Variants in GATA4 observed in about 807,000 individuals in gnomAD.
The protein encoded by GATA4 is transcription factor GATA-4.
Under a neutral mutation model 37.9 loss-of-function variants are expected in GATA4, and 7 were observed. The observed-to-expected ratio is 0.18, with a 90% CI of 0.11 to 0.35. The LOEUF is 0.35. Ranked by LOEUF, GATA4 falls within the 10% of genes least tolerant of loss-of-function variation. The probability of loss-of-function intolerance (pLI) is 1.00; values close to 1 mark genes in which losing one functional copy is unlikely to be tolerated. For synonymous variants in GATA4, 372 were observed against 292.6 expected, an observed-to-expected ratio of 1.27 and a Z score of -2.77; for missense variants, 647 against 653.0, an observed-to-expected ratio of 0.99 and a Z score of 0.10.
intron 1 of GATA4, among the ~76,000 whole-genome samples, chr8:11,684,354 G>T (rs1799071608): frequency 6.6e-6 from 1 of 152,192 alleles, no homozygotes; most frequent in African/African-American, 2.4e-5. Context: ...TCTATTTCTA[G>T]CATAGTCTAA....
intron 2 of GATA4, among the ~76,000 whole-genome samples, chr8:11,722,433 C>G (rs1800719180): frequency 6.6e-6 from 1 of 152,204 alleles, no homozygotes; most frequent in Non-Finnish European, 1.5e-5. Context: ...TCTTTAATAT[C>G]ATTCAATATC....
Position 11,748,643 on chromosome 8 carries a change from C to G in GATA4, c.617-273C>G, listed in dbSNP as rs2409814. Among the ~76,000 whole-genome samples the G allele has an allele frequency of 0.62, 93,663 of 151,990 alleles. 29,700 individuals are homozygous for G. Among genetic ancestry groups the G allele is most frequent in the East Asian group, 0.98 (5,065 of 5,158 alleles). Reference sequence around the variant, plus strand: ...CTGGAGGCTCTGAATGTGATACCTGCACTGAAATCCAGGTGTCCCGCCTCC... The same window carrying G: ...CTGGAGGCTCTGAATGTGATACCTGGACTGAAATCCAGGTGTCCCGCCTCC... On this transcript the variant is annotated intron_variant, in intron 2 of 6. Coordinates refer to ENST00000532059, the MANE Select transcript of GATA4 (RefSeq NM_001308093.3).
chr8:11,728,820 C>T (rs1169028962), intron 2 of GATA4, among the ~76,000 whole-genome samples: 2 of 152,304 alleles, frequency 1.3e-5, no homozygotes, highest in African/African-American at 2.4e-5. Context: ...TATTAATCTA[C>T]ATTTAGGTCA....
chr8:11,693,544 CACACACACACACACACACAG>C (rs1490156389), intron 1 of GATA4, among the ~76,000 whole-genome samples: 41 of 113,828 alleles, frequency 3.6e-4, no homozygotes, highest in Non-Finnish European at 7.1e-4. Flanking sequence ...CACACACACA[CACACACACACACACACACAG>C]AGAGAGAGAG....
chr8:11,692,660 G>T (rs942179395), exon 1 of GATA4: 1 of 985,232 alleles, frequency 1.0e-6, no homozygotes, highest in Non-Finnish European at 1.2e-6. Flanking sequence ...CTCCACCGCG[G>T]GTGCGTGCGG....
At chr8:11,729,594 C>G (rs371101188) in intron 2 of GATA4, among the ~76,000 whole-genome samples, 1 of 151,478 alleles carries the variant, frequency 6.6e-6, no homozygotes, top group African/African-American at 2.4e-5. Context: ...AGGTTGAACA[C>G]AGAAAGGAAG....
intron 2 of GATA4, among the ~76,000 whole-genome samples, chr8:11,730,081 A>G (rs1411759333): frequency 6.6e-6 from 1 of 152,048 alleles, no homozygotes; most frequent in Non-Finnish European, 1.5e-5. Flanking sequence ...ATGCCCAGCT[A>G]ACGTCTATAT....
chr8:11,722,537 C>T (rs1456241963), intron 2 of GATA4, among the ~76,000 whole-genome samples: 2 of 152,156 alleles, frequency 1.3e-5, no homozygotes, highest in Non-Finnish European at 2.9e-5. Flanking sequence ...CTGTGTTATG[C>T]CTGTTAAGTT....
chr8:11,743,024 C>T (rs1460895798), intron 2 of GATA4, among the ~76,000 whole-genome samples: 1 of 152,234 alleles, frequency 6.6e-6, no homozygotes, highest in Non-Finnish European at 1.5e-5. Context: ...CTCCTTGGCC[C>T]CCTCTGGCCC....
intron 2 of GATA4, among the ~76,000 whole-genome samples, chr8:11,739,675 C>T (rs1801629618): frequency 6.8e-6 from 1 of 147,690 alleles, no homozygotes. Context: ...TCATTTCGGC[C>T]GCCTCATGGG....
At chr8:11,703,540 G>C (rs28505660), upstream of GATA4, among the ~76,000 whole-genome samples, 2 of 152,356 alleles carry the variant, frequency 1.3e-5, no homozygotes, top group Admixed American at 6.5e-5. Context: ...TAGAAGAGAG[G>C]AGGCCACAGG....
intron 1 of GATA4, among the ~76,000 whole-genome samples, chr8:11,685,298 T>C (rs1039346424): frequency 9.2e-5 from 14 of 152,360 alleles, no homozygotes; most frequent in African/African-American, 3.4e-4. Context: ...AGAAGACTAA[T>C]GTTTCCAATT....
chr8:11,688,328 T>C (rs1232673232), upstream of GATA4, among the ~76,000 whole-genome samples: 1 of 152,236 alleles, frequency 6.6e-6, no homozygotes, highest in Non-Finnish European at 1.5e-5. Context: ...ACATTTCTTA[T>C]ACAGAGCTCT....
chr8:11,719,494 T>C (rs1331452979), intron 2 of GATA4, among the ~76,000 whole-genome samples: 1 of 152,226 alleles, frequency 6.6e-6, no homozygotes, highest in Non-Finnish European at 1.5e-5. Flanking sequence ...TAGTAATTTT[T>C]TTTCAAGTAG....
At chr8:11,682,394 C>T (rs532970143) in intron 1 of GATA4, among the ~76,000 whole-genome samples, 47 of 152,276 alleles carry the variant, frequency 3.1e-4, no homozygotes, top group African/African-American at 1.1e-3. Flanking sequence ...AATGATAGAA[C>T]AATTCGTCTT....
Position 11,708,206 on chromosome 8 carries a change from G to C in GATA4, c.-107G>C. 1 of 1,263,104 alleles carries C rather than the reference G, an allele frequency of 7.9e-7. No individual in the cohort carries two copies. The highest frequency in any genetic ancestry group is 1.1e-6 in the Non-Finnish European group (1 of 900,306). 78.2% of individuals were successfully genotyped at this position (1,263,104 alleles called of 1,614,324 possible). On this transcript the variant is annotated 5_prime_UTR_variant, in exon 2 of 7. Coordinates refer to ENST00000532059, the MANE Select transcript of GATA4 (RefSeq NM_001308093.3). This position sits in a 1 kb window ranked among gnomAD's most constrained non-coding sequence, Gnocchi z 6.7. ...CCTTTGATTTTTGATCTTCGCGACA[G>C]TTCCTCCCACGCATATTATCGTTGT...
In GATA4 at chr8:11,712,942, C is replaced by G. The variant is rs995857883; in HGVS notation, c.616+4014C>G. ...GTACCATGAAATAATACAATGCAACCTGGCCTTTGATTTAAATAATATATT... is the reference window on the plus strand; with the variant it reads ...GTACCATGAAATAATACAATGCAACGTGGCCTTTGATTTAAATAATATATT... On this transcript the variant is annotated intron_variant, in intron 2 of 6. Transcript: ENST00000532059. 3.9e-5 allele frequency among the ~76,000 whole-genome samples: 6 copies of G among 152,246 alleles called. No individual in the cohort carries two copies. In the South Asian group the frequency reaches 1.2e-3, roughly 32 times the overall value.
intron 2 of GATA4, among the ~76,000 whole-genome samples, chr8:11,748,328 G>C (rs937260142): frequency 3.9e-5 from 6 of 152,182 alleles, no homozygotes; most frequent in African/African-American, 2.4e-5. Flanking sequence ...GGGGTTCAAG[G>C]CTGGACTGAG....
intron 1 of GATA4, among the ~76,000 whole-genome samples, chr8:11,684,195 C>T (rs188794106): frequency 6.5e-4 from 99 of 152,276 alleles, no homozygotes; most frequent in Non-Finnish European, 1.2e-3. Context: ...GTCAAGCCAA[C>T]CTTCCTCTGA....
Sources: gnomAD v4.1 joint callset for allele counts (sites outside exome capture counted in the v4.1 genomes callset) on GRCh38, gnomAD v4.1.1 for gene constraint, Gnocchi (gnomAD v3.1) non-coding constraint, MANE v1.5 for transcripts, NCBI Gene and HGNC (gene_info 2026-07-23, HGNC 2026-07-21) for gene names.